Variants in SLC12A2 observed in about 807,000 individuals in gnomAD.
The protein encoded by SLC12A2 is Na-K-2Cl cotransporter 1.
SLC12A2 carries 67 observed loss-of-function variants against 136.3 expected under a neutral mutation model. That is an observed-to-expected ratio of 0.49 (90% confidence interval 0.40 to 0.60). The LOEUF (loss-of-function observed/expected upper bound fraction) is 0.60. SLC12A2 is among the 20% of genes least tolerant of loss of function. The pLI is 0.00. For missense variants in SLC12A2, 1,322 were observed against 1,534.7 expected (o/e 0.86, Z 2.32); for synonymous variants, 619 against 562.9 (o/e 1.10, Z -1.41).
intron 4 of SLC12A2, among the ~76,000 whole-genome samples, chr5:128,129,371 T>C (rs1761933721): frequency 6.6e-6 from 1 of 152,036 alleles, no homozygotes; most frequent in African/African-American, 2.4e-5. Context: ...AAAATTGTCA[T>C]TATATAAATT....
chr5:128,130,106 CTG>C (rs1168730351), intron 4 of SLC12A2, among the ~76,000 whole-genome samples: 1 of 151,796 alleles, frequency 6.6e-6, no homozygotes, highest in Non-Finnish European at 1.5e-5. Context: ...ATCATACCAA[CTG>C]TGATTTAGAA....
At chr5:128,127,761 G>A (rs1761871661) in intron 4 of SLC12A2, among the ~76,000 whole-genome samples, 1 of 151,784 alleles carries the variant, frequency 6.6e-6, no homozygotes, top group African/African-American at 2.4e-5. Context: ...GATGCAATAG[G>A]ATTTGTAATG....
intron 10 of SLC12A2, among the ~76,000 whole-genome samples, chr5:128,145,664 C>T (rs1191495096): frequency 6.6e-6 from 1 of 151,998 alleles, no homozygotes; most frequent in African/African-American, 2.4e-5. Flanking sequence ...AACCTTAAAT[C>T]TAATGGAAGA....
chr5:128,084,091 C>A lies in SLC12A2; in HGVS notation c.137C>A (p.Ala46Asp), dbSNP rs1160378341. ...GTAVPSVPEDAAPASRDGGGV... is the reference protein window; with the variant it reads ...GTAVPSVPEDDAPASRDGGGV... ...GCTGTGCCCTCGGTGCCGGAGGATG[C>A]TGCGCCCGCGAGCCGGGACGGCGGC... The change falls in exon 1 of 27, where the codon GCT becomes GAT. Residue 46 changes from alanine (A) to aspartate (D), a missense_variant. Ala to Asp is a moderately radical substitution (Grantham distance 126, BLOSUM62 -2). This residue lies in a region of SLC12A2 where 358 missense variants were observed against 299.7 expected (regional missense o/e 1.19). Coordinates refer to ENST00000262461, the MANE Select transcript of SLC12A2 (RefSeq NM_001046.3). This position sits in a 1 kb window ranked among gnomAD's most constrained non-coding sequence, Gnocchi z 5.6. The A allele has an allele frequency of 1.2e-5, 16 of 1,315,666 alleles. No homozygotes were observed. In the South Asian group the frequency reaches 3.2e-4, roughly 27 times the overall value. The allele number at this position is 1,315,666 out of a possible 1,614,324, so 81.5% of individuals were successfully genotyped here. A position where few individuals can be genotyped will look rare whatever the true frequency, so the allele number is the denominator to read the frequency against.
chr5:128,112,674 A>G (rs1761196356), intron 1 of SLC12A2, 140 bp from the exon 2 acceptor site: 1 of 544,990 alleles, frequency 1.8e-6, no homozygotes, highest in Admixed American at 3.8e-5. Context: ...CTGGGGTAAA[A>G]TATTTGGAAA....
chr5:128,172,118 CT>C (rs1348973619), intron 19 of SLC12A2, among the ~76,000 whole-genome samples: 2 of 152,102 alleles, frequency 1.3e-5, no homozygotes, highest in African/African-American at 4.8e-5. Flanking sequence ...TGAAAGTATG[CT>C]TTGTACAGAG....
chr5:128,151,429 A>G (rs770714115), intron 14 of SLC12A2, 33 bp downstream of exon 14: 1 of 1,576,758 alleles, frequency 6.3e-7, no homozygotes, highest in Non-Finnish European at 8.6e-7. Flanking sequence ...ATCCCAAGCT[A>G]GAAAACATCT....
At position 128,174,652 on chromosome 5, in the gene SLC12A2, C is replaced by A; in HGVS notation, c.2915C>A (p.Pro972Gln). 1 of 1,592,188 alleles carries A rather than the reference C, an allele frequency of 6.3e-7. No homozygotes were observed. The highest frequency in any genetic ancestry group is 8.5e-7 in the Non-Finnish European group (1 of 1,170,896). The change falls in exon 20 of 27, where the codon CCA (proline) becomes CAA (glutamine). Residue 972 changes from proline to glutamine, a missense_variant. Pro to Gln is a moderately conservative substitution (Grantham distance 76). Around this residue, in one of 8 missense-constraint regions of SLC12A2, gnomAD observed 226 missense variants for 210.4 expected, o/e 1.07. Coordinates refer to ENST00000262461, the MANE Select transcript of SLC12A2 (RefSeq NM_001046.3). ...ACTTCCAAACCACTCAGTGAAAAACCAATTACACACAAAGGTAATTTTCAT... is the reference window on the plus strand; with the variant it reads ...ACTTCCAAACCACTCAGTGAAAAACAAATTACACACAAAGGTAATTTTCAT... Reference protein sequence around the residue: ...LDTSKPLSEKPITHKVEEEDG... With the variant: ...LDTSKPLSEKQITHKVEEEDG...
At chr5:128,114,901 C>T (rs535855916) in intron 4 of SLC12A2, among the ~76,000 whole-genome samples, 6 of 152,248 alleles carry the variant, frequency 3.9e-5, no homozygotes, top group African/African-American at 1.4e-4. Context: ...TGTCTCGTAG[C>T]AAGAATGGAG....
chr5:128,109,504 C>T (rs1298692515), intron 1 of SLC12A2: 2 of 586,768 alleles, frequency 3.4e-6, no homozygotes, highest in Non-Finnish European at 6.3e-6. Context: ...CATTTTGCTG[C>T]TTTATTGCTT....
intron 1 of SLC12A2, among the ~76,000 whole-genome samples, chr5:128,091,630 T>A (rs1448568386): frequency 6.6e-6 from 1 of 152,198 alleles, no homozygotes; most frequent in Non-Finnish European, 1.5e-5. Flanking sequence ...GGCCCTCCTT[T>A]GTCTTTTTCC....
intron 10 of SLC12A2, 120 bp from the exon 11 acceptor site, chr5:128,147,499 GTTA>G (rs1166389553): frequency 3.3e-5 from 20 of 603,372 alleles, no homozygotes; most frequent in Admixed American, 5.8e-5. Flanking sequence ...TAGCGTTGTT[GTTA>G]TTATTATTAT....
chr5:128,090,158 C>G (rs1760258171), intron 1 of SLC12A2, among the ~76,000 whole-genome samples: 1 of 152,192 alleles, frequency 6.6e-6, no homozygotes, highest in Non-Finnish European at 1.5e-5. Flanking sequence ...ATGCGGCAAA[C>G]AGGTAAAATT....
intron 20 of SLC12A2, among the ~76,000 whole-genome samples, chr5:128,176,420 T>C (rs1763544273): frequency 6.6e-6 from 1 of 151,988 alleles, no homozygotes; most frequent in African/African-American, 2.4e-5. Flanking sequence ...AAACAAATAT[T>C]TTAATACAAG....
At chr5:128,158,027 T>A in intron 15 of SLC12A2, 26 bp from the exon 16 acceptor site, 1 of 1,569,782 alleles carries the variant, frequency 6.4e-7, no homozygotes, top group Non-Finnish European at 8.7e-7. Context: ...TTATCTAATT[T>A]TGTTTGTCTT....
chr5:128,127,079 A>G lies in SLC12A2; in HGVS notation c.1049-3988A>G, dbSNP rs1761839639. Among the ~76,000 whole-genome samples the G allele has an allele frequency of 3.5e-5, 5 of 142,788 alleles. No homozygotes were observed. In the South Asian group the frequency reaches 1.1e-3, roughly 31 times the overall value. The allele number at this position is 142,788 out of a possible 152,430, so 93.7% of individuals were successfully genotyped here. On this transcript the variant is annotated intron_variant, in intron 4 of 26. Coordinates refer to ENST00000262461, the MANE Select transcript of SLC12A2 (RefSeq NM_001046.3). ...GAATTTTACTTGCTAATAGTTTAAC[A>G]ATTTTTGAGTATGATCATAAGGAAT...
intron 25 of SLC12A2, 41 bp from the exon 26 acceptor site, chr5:128,184,748 T>C: frequency 6.2e-7 from 1 of 1,609,794 alleles, no homozygotes; most frequent in Non-Finnish European, 8.5e-7. Context: ...TAAATTCTTA[T>C]TTCCACATGG....
chr5:128,181,646 C>A (rs117232730), intron 23 of SLC12A2, among the ~76,000 whole-genome samples: 3 of 152,100 alleles, frequency 2.0e-5, no homozygotes, highest in African/African-American at 4.8e-5. Flanking sequence ...AATAGTTAAA[C>A]GACTTCTCTG....
At chr5:128,147,864 A>G in intron 11 of SLC12A2, 135 bp downstream of exon 11, 1 of 483,596 alleles carries the variant, frequency 2.1e-6, no homozygotes, top group East Asian at 3.3e-5. Flanking sequence ...ATATGCACAT[A>G]AAGATATACA....
Sources: gnomAD v4.1 joint callset for allele counts (sites outside exome capture counted in the v4.1 genomes callset) on GRCh38, gnomAD v4.1.1 for gene constraint, gnomAD v4.1.1 regional missense constraint, Gnocchi (gnomAD v3.1) non-coding constraint, MANE v1.5 for transcripts, NCBI Gene and HGNC (gene_info 2026-07-23, HGNC 2026-07-21) for gene names.